GPHN: variants seen among roughly 807,000 people sequenced by gnomAD.
GPHN encodes the protein gephyrin.
GPHN carries 17 observed loss-of-function variants against 95.5 expected under a neutral mutation model. The ratio of observed to expected loss-of-function variants is 0.18; its 90% CI spans 0.12 to 0.27. The LOEUF is 0.27. Among genes scored for constraint, GPHN ranks in the 10% least tolerant of loss-of-function variants. GPHN has a pLI of 1.00. For missense variants in GPHN, 660 were observed against 978.1 expected (o/e 0.67, Z 4.34); for synonymous variants, 320 against 322.5 (o/e 0.99, Z 0.08).
the GPHN span, chr14:67,587,025 T>C: frequency 1.5e-3 from 2,302 of 1,536,744 alleles, 5 homozygotes; most frequent in Non-Finnish European, 1.7e-3. Flanking sequence ...AAAGCCAGGA[T>C]TCAAGCCAAG....
chr14:67,476,891 G>A, the GPHN span, among the ~76,000 whole-genome samples: 5 of 151,888 alleles, frequency 3.3e-5, no homozygotes, highest in East Asian at 1.9e-4. Context: ...TTTGGGAGGC[G>A]GAGATGGGCA....
In GPHN at chr14:66,641,140, T is replaced by G. The variant is rs546485221; in HGVS notation, c.65-39967T>G. ...CTATAAGATAAAGACTAAATATAGG[T>G]GGTCCATAACGTATGATGGTTCAAC... On this transcript the variant is annotated intron_variant, in intron 1 of 22. Coordinates refer to ENST00000478722, the MANE Select transcript of GPHN (RefSeq NM_020806.5). 4.2e-4 allele frequency among the ~76,000 whole-genome samples: 64 copies of G among 152,284 alleles called. 2 individuals carry two copies. The South Asian group carries it at 0.013, about 32-fold the overall frequency.
At chr14:67,179,700 T>A (rs1301593578) in intron 22 of GPHN, 26 bp downstream of exon 22, 1 of 1,108,640 alleles carries the variant, frequency 9.0e-7, no homozygotes, top group Non-Finnish European at 1.4e-6. Flanking sequence ...CTACAGATAT[T>A]CCTAGACACC....
At chr14:67,294,559 T>G in the GPHN span, 1 of 152,172 alleles carries the variant, frequency 6.6e-6, no homozygotes, top group African/African-American at 2.4e-5. Context: ...AGTTAAACAT[T>G]AGGTATCATA....
chr14:67,436,234 T>C, the GPHN span, among the ~76,000 whole-genome samples: 1 of 152,158 alleles, frequency 6.6e-6, no homozygotes, highest in African/African-American at 2.4e-5. Context: ...CCTGGGCAAA[T>C]GCCCAGGATG....
the GPHN span, chr14:67,316,984 C>T: frequency 1.4e-5 from 15 of 1,063,048 alleles, no homozygotes; most frequent in Middle Eastern, 2.0e-4. Context: ...ATATTAGAAC[C>T]GTGAAGAAGT....
chr14:67,417,401 C>G, the GPHN span, among the ~76,000 whole-genome samples: 1 of 152,130 alleles, frequency 6.6e-6, no homozygotes, highest in Non-Finnish European at 1.5e-5. Context: ...AAGGAGTGAG[C>G]ATTGGTAATC....
intron 1 of GPHN, among the ~76,000 whole-genome samples, chr14:66,561,648 A>G (rs372235806): frequency 2.0e-5 from 3 of 152,294 alleles, no homozygotes; most frequent in Admixed American, 6.5e-5. Context: ...GTTTTAATCT[A>G]TATATGTGTA....
chr14:66,562,438 T>C (rs1193365038), intron 1 of GPHN, among the ~76,000 whole-genome samples: 1 of 152,132 alleles, frequency 6.6e-6, no homozygotes, highest in Non-Finnish European at 1.5e-5. Flanking sequence ...TATAAGTATA[T>C]CCAATTTTTA....
At chr14:67,210,081 C>T in the GPHN span, among the ~76,000 whole-genome samples, 2 of 152,172 alleles carry the variant, frequency 1.3e-5, no homozygotes, top group East Asian at 1.9e-4. Context: ...ATTCAATTCA[C>T]ACCCCTAATG....
the GPHN span, among the ~76,000 whole-genome samples, chr14:67,330,540 C>T: frequency 2.5e-4 from 37 of 150,126 alleles, no homozygotes; most frequent in African/African-American, 9.1e-4. Flanking sequence ...CTCACTGCAA[C>T]CTCTGCCTCC....
chr14:67,336,901 T>A, the GPHN span, among the ~76,000 whole-genome samples: 4 of 152,228 alleles, frequency 2.6e-5, no homozygotes, highest in Non-Finnish European at 1.5e-5. Flanking sequence ...ACAGTCCCAA[T>A]GTCTTTAAAT....
the GPHN span, chr14:67,569,864 C>T: frequency 2.7e-6 from 3 of 1,126,484 alleles, no homozygotes; most frequent in African/African-American, 3.1e-5. Flanking sequence ...CTGCTTCCCC[C>T]ACACCCCTTC....
At chr14:66,530,738 T>A (rs1201376457) in intron 1 of GPHN, among the ~76,000 whole-genome samples, 3 of 152,086 alleles carry the variant, frequency 2.0e-5, no homozygotes, top group Non-Finnish European at 4.4e-5. Context: ...TTGTGCTTCC[T>A]GGGTGAGGCA....
chr14:66,566,149 AC>A (rs1250502037), intron 1 of GPHN, among the ~76,000 whole-genome samples: 5 of 151,956 alleles, frequency 3.3e-5, no homozygotes, highest in African/African-American at 1.2e-4. Flanking sequence ...CCCTACTATT[AC>A]CTTTTATATT....
At chr14:67,474,255 A>AAAAAC in the GPHN span, among the ~76,000 whole-genome samples, 2 of 127,872 alleles carry the variant, frequency 1.6e-5, no homozygotes, top group African/African-American at 3.3e-5. Context: ...CTGTCTCCAA[A>AAAAAC]AAAACAAAAC....
the GPHN span, chr14:67,579,661 A>G: frequency 6.5e-7 from 1 of 1,533,782 alleles, no homozygotes; most frequent in East Asian, 2.3e-5. Flanking sequence ...CACCTCCACC[A>G]GCCCTAGTGA....
chr14:67,152,365 T>G (rs2081331062), intron 18 of GPHN, among the ~76,000 whole-genome samples: 1 of 152,210 alleles, frequency 6.6e-6, no homozygotes, highest in South Asian at 2.1e-4. Context: ...TTTTAGCAAA[T>G]GTTATATGAT....
chr14:67,717,893 G>C, the GPHN span: 1 of 152,174 alleles, frequency 6.6e-6, no homozygotes, highest in East Asian at 1.9e-4. Context: ...GTGAGACCCT[G>C]TCTCTATTTT....
Sources: gnomAD v4.1 joint callset for allele counts (sites outside exome capture counted in the v4.1 genomes callset) on GRCh38, gnomAD v4.1.1 for gene constraint, MANE v1.5 for transcripts, NCBI Gene and HGNC (gene_info 2026-07-23, HGNC 2026-07-21) for gene names.